Variants in EXOC2 observed in about 807,000 individuals in gnomAD.
EXOC2 encodes SEC5-like 1.
A neutral mutation model predicts 131.8 loss-of-function variants in EXOC2; 70 were observed. That is an observed-to-expected ratio of 0.53 (90% confidence interval 0.44 to 0.65). The LOEUF (loss-of-function observed/expected upper bound fraction) is 0.65. EXOC2 is among the 30% of genes least tolerant of loss of function. The pLI, the probability that EXOC2 is intolerant of heterozygous loss-of-function variation, is 0.00. For synonymous variants in EXOC2, 411 were observed against 398.4 expected (o/e 1.03, Z -0.38); for missense variants, 923 against 1,108.6 (o/e 0.83, Z 2.38).
Position 564,158 on chromosome 6 carries a change from C to T in EXOC2, c.1668-4G>A, listed in dbSNP as rs371170045. The T allele has an allele frequency of 2.4e-4, 395 of 1,612,766 alleles. 2 individuals carry two copies. The highest frequency in any genetic ancestry group is 1.2e-3 in the South Asian group (111 of 90,814). ...AGTCAACGATTCATGAGTAAGTCTGCGAACAAACACATCCAAACAGAAGTG... is the reference window on the plus strand; with the variant it reads ...AGTCAACGATTCATGAGTAAGTCTGTGAACAAACACATCCAAACAGAAGTG... On this transcript the variant is annotated splice_polypyrimidine_tract_variant and splice_region_variant and intron_variant, in intron 15 of 27. Transcript: ENST00000230449.
intron 1 of EXOC2, chr6:656,188 T>C (rs1763071274): frequency 6.2e-7 from 1 of 1,614,180 alleles, no homozygotes; most frequent in Non-Finnish European, 8.5e-7. Context: ...TCCCAAATAT[T>C]GCACAGGGCC....
intron 22 of EXOC2, among the ~76,000 whole-genome samples, chr6:535,727 AG>A (rs1766403808): frequency 1.3e-5 from 2 of 152,338 alleles, no homozygotes; most frequent in African/African-American, 4.8e-5. Context: ...CAAGCATGTA[AG>A]GAAGAAATTA....
At chr6:496,410 T>A (rs1433925038) in intron 25 of EXOC2, among the ~76,000 whole-genome samples, 1 of 152,232 alleles carries the variant, frequency 6.6e-6, no homozygotes, top group Non-Finnish European at 1.5e-5. Flanking sequence ...TCTTGGCTCT[T>A]GGGCAGCATC....
At chr6:650,973 T>C (rs1327604543) in intron 1 of EXOC2, among the ~76,000 whole-genome samples, 4 of 151,774 alleles carry the variant, frequency 2.6e-5, no homozygotes, top group Admixed American at 6.6e-5. Flanking sequence ...CAATTTGTTA[T>C]GTCAAAATCA....
At chr6:537,278 G>A (rs765866141) in intron 22 of EXOC2, among the ~76,000 whole-genome samples, 3 of 149,320 alleles carry the variant, frequency 2.0e-5, no homozygotes, top group South Asian at 2.1e-4. Context: ...CCGACGGAGC[G>A]TACACTCGAG....
rs1757359006 is a variant in EXOC2 at position 555,265 on chromosome 6, C to T, written c.2016G>A (p.Gln672=). ...IMQVFIYCLE[Q]LSTKPDADID... The stretch of plus-strand genomic sequence containing the variant: ...TATCTGCATCAGGCTTGGTGCTCAA[C>T]TGTTCCAGACAGTATATAAAAACCT... The change falls in exon 20 of 28, where the codon CAG becomes CAA. Residue 672 remains glutamine (Q), a synonymous_variant. Coordinates refer to ENST00000230449, the MANE Select transcript of EXOC2 (RefSeq NM_018303.6). 1.3e-5 allele frequency: 20 copies of T among 1,528,314 alleles called. No individual in the cohort carries two copies. The highest frequency in any genetic ancestry group is 1.7e-5 in the Non-Finnish European group (19 of 1,124,676). 94.7% of individuals were successfully genotyped at this position (1,528,314 alleles called of 1,614,324 possible).
At chr6:537,722 A>T (rs1451607816) in intron 22 of EXOC2, among the ~76,000 whole-genome samples, 1 of 152,258 alleles carries the variant, frequency 6.6e-6, no homozygotes, top group East Asian at 1.9e-4. Flanking sequence ...AGAATGATTA[A>T]ACAAAATCTG....
chr6:618,989 A>G (rs958804108), intron 5 of EXOC2, among the ~76,000 whole-genome samples: 8 of 152,138 alleles, frequency 5.3e-5, no homozygotes, highest in African/African-American at 1.9e-4. Flanking sequence ...CTTTTTTGCT[A>G]ATTTTAAGCC....
chr6:579,475 C>G (rs942873995), intron 11 of EXOC2, among the ~76,000 whole-genome samples: 1 of 152,148 alleles, frequency 6.6e-6, no homozygotes. Context: ...AGCACATGCC[C>G]CTCCGGACTA....
Position 492,126 on chromosome 6 carries a change from A to G in EXOC2, c.2560-940T>C, listed in dbSNP as rs189746576. On this transcript the variant is annotated intron_variant, in intron 25 of 27. Transcript: ENST00000230449. ...AATCATGCCGAAAGTATAAACAACAAAACAGATAAAGTGGACTTCACCAAA... is the reference window on the plus strand; with the variant it reads ...AATCATGCCGAAAGTATAAACAACAGAACAGATAAAGTGGACTTCACCAAA... Among the ~76,000 whole-genome samples the G allele has an allele frequency of 1.3e-3, 196 of 152,364 alleles. 2 individuals carry two copies. Among genetic ancestry groups the G allele is most frequent in the African/African-American group, 4.5e-3 (189 of 41,594 alleles).
At chr6:574,396 C>T (rs1212498511) in intron 12 of EXOC2, among the ~76,000 whole-genome samples, 63 of 152,152 alleles carry the variant, frequency 4.1e-4, no homozygotes, top group Admixed American at 4.1e-3. Context: ...AAACCCAAAA[C>T]AAAACGATAA....
Position 619,420 on chromosome 6 carries a change from A to G in EXOC2, c.536+10T>C, listed in dbSNP as rs1459575927. ...AACCCTTCACAGTTGACAGTCCCAT[A>G]TCCACTAACCTGGTGTTTGAGTGAT... On this transcript the variant is annotated intron_variant, in intron 5 of 27. Transcript: ENST00000230449. 1.9e-6 allele frequency: 3 copies of G among 1,600,860 alleles called. No homozygotes were observed. The highest frequency in any genetic ancestry group is 2.6e-6 in the Non-Finnish European group (3 of 1,168,128).
chr6:561,410 G>A (rs985148273), intron 17 of EXOC2, among the ~76,000 whole-genome samples: 17 of 152,268 alleles, frequency 1.1e-4, no homozygotes, highest in African/African-American at 3.6e-4. Flanking sequence ...ACCAGCCTTC[G>A]CTGAGGATAC....
intron 24 of EXOC2, 26 bp from the exon 25 acceptor site, chr6:497,515 G>C (rs1763809689): frequency 6.3e-7 from 1 of 1,583,944 alleles, no homozygotes; most frequent in African/African-American, 1.4e-5. Context: ...AAGACATGGT[G>C]CTTTGTGGGG....
chr6:492,240 C>T (rs1763477891), intron 25 of EXOC2, among the ~76,000 whole-genome samples: 1 of 152,176 alleles, frequency 6.6e-6, no homozygotes, highest in Non-Finnish European at 1.5e-5. Flanking sequence ...ACTAGGATGG[C>T]TATAATCAAT....
intron 1 of EXOC2, chr6:656,136 G>A (rs749567947): frequency 5.6e-6 from 9 of 1,611,940 alleles, no homozygotes; most frequent in Non-Finnish European, 6.8e-6. Context: ...ATACTGAAGA[G>A]AGACATCTTC....
At chr6:518,134 C>A (rs562825548) in intron 23 of EXOC2, among the ~76,000 whole-genome samples, 15 of 152,266 alleles carry the variant, frequency 9.9e-5, no homozygotes, top group African/African-American at 3.6e-4. Context: ...TGTTAACTTT[C>A]TCCAGATCTC....
chr6:579,231 A>C (rs1259479256), intron 11 of EXOC2, among the ~76,000 whole-genome samples: 1 of 152,174 alleles, frequency 6.6e-6, no homozygotes, highest in Non-Finnish European at 1.5e-5. Context: ...TTATAACTTT[A>C]AATTGTTTAA....
At chr6:624,830 C>G (rs940908857) in intron 4 of EXOC2, among the ~76,000 whole-genome samples, 9 of 152,196 alleles carry the variant, frequency 5.9e-5, no homozygotes, top group Admixed American at 5.2e-4. Context: ...AAAACTCTTA[C>G]GTTTGTTCAG....
Sources: allele counts gnomAD v4.1 joint callset (sites outside exome capture counted in the v4.1 genomes callset), GRCh38; gene constraint gnomAD v4.1.1; transcripts MANE v1.5; gene names NCBI Gene and HGNC (gene_info 2026-07-23, HGNC 2026-07-21).